CACNA1A: variants seen among roughly 807,000 people sequenced by gnomAD.
CACNA1A encodes calcium voltage-gated channel subunit alpha1 A.
CACNA1A carries 57 observed loss-of-function variants against 262.4 expected under a neutral mutation model. The observed-to-expected ratio is 0.22, with a 90% CI of 0.18 to 0.27. The LOEUF is 0.27. Among genes scored for constraint, CACNA1A ranks in the 10% least tolerant of loss-of-function variants. The pLI is 1.00. For missense variants in CACNA1A, 2,526 were observed against 3,562.8 expected (o/e 0.71, Z 7.41); for synonymous variants, 1,431 against 1,419.3 (o/e 1.01, Z -0.18).
At chr19:13,252,242 T>A (rs1364312871) in intron 30 of CACNA1A, among the ~76,000 whole-genome samples, 1 of 145,362 alleles carries the variant, frequency 6.9e-6, no homozygotes, top group Non-Finnish European at 1.5e-5. Flanking sequence ...AAAAAAAAAT[T>A]TTTTTTTTTT....
chr19:13,282,365 C>A (rs528225381), intron 22 of CACNA1A, among the ~76,000 whole-genome samples: 10 of 152,064 alleles, frequency 6.6e-5, no homozygotes, highest in African/African-American at 1.9e-4. Context: ...ACAGGAGCCA[C>A]CAGTCCACCC....
At chr19:13,255,778 T>TCCCTCCC (rs2056545781) in intron 28 of CACNA1A, among the ~76,000 whole-genome samples, 1 of 99,708 alleles carries the variant, frequency 1.0e-5, no homozygotes. Context: ...CCTCCCTCCT[T>TCCCTCCC]TCCTTCCTTC....
At chr19:13,301,541 G>T (rs2057790396) in intron 17 of CACNA1A, among the ~76,000 whole-genome samples, 1 of 152,254 alleles carries the variant, frequency 6.6e-6, no homozygotes. Context: ...CTGCTCACTG[G>T]TGGTTAGGTT....
intron 1 of CACNA1A, among the ~76,000 whole-genome samples, chr19:13,478,108 T>C (rs1363132549): frequency 6.6e-6 from 1 of 152,112 alleles, no homozygotes; most frequent in East Asian, 1.9e-4. Flanking sequence ...AATGTGTGTG[T>C]TGTGTTTTAT....
At chr19:13,434,754 T>C (rs906444788) in intron 3 of CACNA1A, among the ~76,000 whole-genome samples, 7 of 152,158 alleles carry the variant, frequency 4.6e-5, no homozygotes, top group African/African-American at 1.2e-4. Context: ...CTCTTTTCTT[T>C]ATAAATTACC....
intron 37 of CACNA1A, chr19:13,226,627 G>C (rs546728422): frequency 6.6e-6 from 1 of 152,442 alleles, no homozygotes; most frequent in African/African-American, 2.4e-5. Flanking sequence ...GATCTGGAGG[G>C]GTGGCCCGGG....
intron 3 of CACNA1A, among the ~76,000 whole-genome samples, chr19:13,405,332 A>T (rs2144713182): frequency 6.6e-6 from 1 of 152,138 alleles, no homozygotes. Context: ...AGCTGGAACT[A>T]CAGGTATGCA....
intron 1 of CACNA1A, among the ~76,000 whole-genome samples, chr19:13,476,943 T>C (rs150777445): frequency 6.6e-6 from 1 of 152,214 alleles, no homozygotes; most frequent in Non-Finnish European, 1.5e-5. Flanking sequence ...CTGAGTCAGG[T>C]CACGTCCCTC....
Position 13,286,801 on chromosome 19 carries a change from A to C in CACNA1A, c.3255T>G (p.Leu1085=). The change falls in exon 20 of 47, where the codon CTT becomes CTG. Residue 1085 remains leucine, a synonymous_variant. Transcript: ENST00000360228. ...GGCTCTGGGGCAGGCCGGCGTGGCC[A>C]AGGCTGCCGTGGGGAGCGGCCGACT... ...TAESAAPHGS[L]GHAGLPQSPA... is the part of the protein sequence containing the mutation. 2 of 1,613,164 alleles carry C rather than the reference A, an allele frequency of 1.2e-6. No individual in the cohort carries two copies. The highest frequency in any genetic ancestry group is 1.7e-6 in the Non-Finnish European group (2 of 1,179,682).
In CACNA1A at chr19:13,236,196, G is replaced by A. The variant is rs976974697; in HGVS notation, c.4951-466C>T. ...GTTGCGGAATCTATCATACGTGTAC[G>A]ATGCACAAACACCAGGGCGGGGGTG... On this transcript the variant is annotated intron_variant, in intron 31 of 46. Coordinates refer to ENST00000360228, the MANE Select transcript of CACNA1A (RefSeq NM_001127222.2). This position sits in a 1 kb window ranked among gnomAD's most constrained non-coding sequence, Gnocchi z 4.6. Among the ~76,000 whole-genome samples, 3 of 149,062 alleles carry A rather than the reference G, an allele frequency of 2.0e-5. No individual in the cohort carries two copies. Among genetic ancestry groups the A allele is most frequent in the Non-Finnish European group, 3.0e-5 (2 of 67,340 alleles).
At chr19:13,413,338 C>T (rs1453471443) in intron 3 of CACNA1A, among the ~76,000 whole-genome samples, 1 of 150,984 alleles carries the variant, frequency 6.6e-6, no homozygotes. Context: ...AATCTCCTGA[C>T]CTCGTGATCC....
At chr19:13,213,709 G>C (rs1288043224) in intron 40 of CACNA1A, 2 of 112,086 alleles carry the variant, frequency 1.8e-5, no homozygotes, top group Non-Finnish European at 3.4e-5. Context: ...TTGAGATAGA[G>C]TCCTGCTCTT....
intron 6 of CACNA1A, among the ~76,000 whole-genome samples, chr19:13,342,415 G>C (rs752277658): frequency 6.6e-6 from 1 of 152,184 alleles, no homozygotes; most frequent in Admixed American, 6.5e-5. Flanking sequence ...GAAGGAGAGT[G>C]GGGGAGGATG....
rs557828496 is a variant in CACNA1A at position 13,245,673 on chromosome 19, T to C, written c.4867-408A>G. 11 of 148,954 alleles carry C rather than the reference T, an allele frequency of 7.4e-5. No individual in the cohort carries two copies. The South Asian group carries it at 1.2e-3, about 17-fold the overall frequency. The allele number at this position is 148,954 out of a possible 1,614,324, so 9.2% of individuals were successfully genotyped here. ...CCATTTTCTTTTTCTTTCTTTCTCT[T>C]TTTTTTTTTTTTTTTTGAGATGGAG... On this transcript the variant is annotated intron_variant, in intron 30 of 46. Coordinates refer to ENST00000360228, the MANE Select transcript of CACNA1A (RefSeq NM_001127222.2).
At chr19:13,316,435 G>A (rs190287312) in intron 11 of CACNA1A, 3 of 152,044 alleles carry the variant, frequency 2.0e-5, no homozygotes, top group Admixed American at 1.3e-4. Context: ...AGTGGGCCTT[G>A]TACCTTGAGG....
chr19:13,221,632 C>T (rs1472502144), intron 38 of CACNA1A, among the ~76,000 whole-genome samples: 1 of 152,110 alleles, frequency 6.6e-6, no homozygotes, highest in Non-Finnish European at 1.5e-5. Context: ...GCACTCCAGA[C>T]AGGGGACCCC....
chr19:13,335,541 T>TG (rs937972563), intron 7 of CACNA1A, among the ~76,000 whole-genome samples: 3 of 151,882 alleles, frequency 2.0e-5, no homozygotes, highest in Non-Finnish European at 2.9e-5. Context: ...ATTTGGAAAA[T>TG]GGGGGAGAAG....
chr19:13,351,937 G>A (rs776023486), intron 6 of CACNA1A, among the ~76,000 whole-genome samples: 7 of 152,256 alleles, frequency 4.6e-5, no homozygotes, highest in South Asian at 4.1e-4. Context: ...GAGCCACCAA[G>A]GCTGGCCATT....
Position 13,402,803 on chromosome 19 carries a change from T to TATATATACATATATACACAC in CACNA1A, c.540-31025_540-31024insGTGTGTATATATGTATATAT, listed in dbSNP as rs1440968793. On this transcript the variant is annotated intron_variant, in intron 3 of 46. Transcript: ENST00000360228. ...ACATATATATACATATATACACACA[T>TATATATACATATATACACAC]ATATATATACATATATACACACATA... Among the ~76,000 whole-genome samples, 49 of 119,788 alleles carry TATATATACATATATACACAC rather than the reference T, an allele frequency of 4.1e-4. 1 individual carries two copies. Among genetic ancestry groups the TATATATACATATATACACAC allele is most frequent in the African/African-American group, 1.9e-3 (49 of 26,088 alleles). 78.6% of individuals were successfully genotyped at this position (119,788 alleles called of 152,430 possible).
Sources: allele counts gnomAD v4.1 joint callset (sites outside exome capture counted in the v4.1 genomes callset), GRCh38; gene constraint gnomAD v4.1.1; non-coding constraint Gnocchi (gnomAD v3.1); transcripts MANE v1.5; gene names NCBI Gene and HGNC (gene_info 2026-07-23, HGNC 2026-07-21).